GRM8: variants seen among roughly 807,000 people sequenced by gnomAD.
GRM8 encodes the protein metabotropic glutamate receptor 8.
Under a neutral mutation model 87.2 loss-of-function variants are expected in GRM8, and 47 were observed. That is an observed-to-expected ratio of 0.54 (90% CI 0.43 to 0.69). The LOEUF (loss-of-function observed/expected upper bound fraction) is 0.69, where lower values mean the gene tolerates loss of function less well. GRM8 is among the 30% of genes least tolerant of loss of function. GRM8 has a pLI of 0.00. For missense variants in GRM8, 1,019 were observed against 1,139.2 expected, an observed-to-expected ratio of 0.89 and a Z score of 1.52; for synonymous variants, 396 against 404.5, an observed-to-expected ratio of 0.98 and a Z score of 0.25.
chr7:126,722,886 G>A (rs1262395370), intron 7 of GRM8, among the ~76,000 whole-genome samples: 1 of 77,716 alleles, frequency 1.3e-5, no homozygotes, highest in East Asian at 3.6e-4. Context: ...CTGAGAGCCT[G>A]TGAAAAAAAA....
intron 9 of GRM8, among the ~76,000 whole-genome samples, chr7:126,473,712 T>C (rs1005912713): frequency 1.3e-5 from 2 of 152,142 alleles, no homozygotes; most frequent in Non-Finnish European, 2.9e-5. Context: ...ACCCAAATCT[T>C]ATCTTGAATT....
chr7:126,528,419 G>C (rs1448373811), intron 9 of GRM8, among the ~76,000 whole-genome samples: 1 of 152,122 alleles, frequency 6.6e-6, no homozygotes, highest in African/African-American at 2.4e-5. Context: ...GCTGAGTGCT[G>C]AAGAGAAAAT....
chr7:126,539,414 T>A (rs564688514), intron 8 of GRM8, among the ~76,000 whole-genome samples: 1 of 152,172 alleles, frequency 6.6e-6, no homozygotes, highest in Non-Finnish European at 1.5e-5. Context: ...AAATCTCAGC[T>A]GGCTCCTTCA....
chr7:126,520,918 G>A (rs1812894760), intron 9 of GRM8, among the ~76,000 whole-genome samples: 1 of 152,086 alleles, frequency 6.6e-6, no homozygotes, highest in Admixed American at 6.5e-5. Flanking sequence ...AATAGGCAGT[G>A]TAACCAAGTG....
intron 9 of GRM8, among the ~76,000 whole-genome samples, chr7:126,468,958 A>C (rs59633673): frequency 0.013 from 1,969 of 152,228 alleles, 41 homozygotes; most frequent in African/African-American, 0.045. Flanking sequence ...TTATCTCACA[A>C]AGAAAATAGA....
Position 126,820,829 on chromosome 7 carries a change from G to A in GRM8, c.1157-50764C>T, listed in dbSNP as rs916023536. On this transcript the variant is annotated intron_variant, in intron 6 of 10. Coordinates refer to ENST00000339582, the MANE Select transcript of GRM8 (RefSeq NM_000845.3). Reference sequence around the variant, plus strand: ...GAAATTAAAGACCATCCTAGGGCACGGTGGCTCATGCCTGTAATCATAGAA... The same window carrying A: ...GAAATTAAAGACCATCCTAGGGCACAGTGGCTCATGCCTGTAATCATAGAA... Among the ~76,000 whole-genome samples the A allele has an allele frequency of 6.6e-5, 10 of 152,178 alleles. 1 individual carries two copies. The highest frequency in any genetic ancestry group is 4.8e-5 in the African/African-American group (2 of 41,432).
intron 6 of GRM8, among the ~76,000 whole-genome samples, chr7:126,879,698 A>C (rs1451731940): frequency 6.6e-6 from 1 of 152,318 alleles, no homozygotes; most frequent in Middle Eastern, 3.4e-3. Flanking sequence ...ACAGAAGAAA[A>C]AGTTATACTG....
intron 8 of GRM8, among the ~76,000 whole-genome samples, chr7:126,608,749 G>A (rs956304913): frequency 4.0e-5 from 6 of 150,852 alleles, no homozygotes; most frequent in African/African-American, 1.5e-4. Flanking sequence ...TGTGGCAAAA[G>A]TGATGTGCCC....
intron 7 of GRM8, among the ~76,000 whole-genome samples, chr7:126,727,704 TACACACACAC>T (rs3038844): frequency 5.4e-4 from 76 of 141,874 alleles, no homozygotes; most frequent in African/African-American, 1.9e-3. Context: ...TCTGAAATCA[TACACACACAC>T]ACACACACAC....
intron 3 of GRM8, among the ~76,000 whole-genome samples, chr7:126,913,407 C>T (rs955574321): frequency 2.0e-5 from 3 of 152,138 alleles, no homozygotes; most frequent in African/African-American, 7.2e-5. Flanking sequence ...AATGACTAGA[C>T]TATTGGTTAA....
chr7:126,955,935 T>G (rs1050447104), intron 3 of GRM8, among the ~76,000 whole-genome samples: 3 of 152,174 alleles, frequency 2.0e-5, no homozygotes, highest in Admixed American at 6.5e-5. Flanking sequence ...CTAGAGATGA[T>G]ATTCCCATTT....
chr7:126,477,458 C>T (rs556195827), intron 9 of GRM8, among the ~76,000 whole-genome samples: 1 of 151,970 alleles, frequency 6.6e-6, no homozygotes, highest in African/African-American at 2.4e-5. Flanking sequence ...ATTATTTCCA[C>T]AGTGTATACA....
intron 3 of GRM8, among the ~76,000 whole-genome samples, chr7:127,079,191 G>A (rs999271597): frequency 3.3e-5 from 5 of 151,752 alleles, no homozygotes; most frequent in Admixed American, 2.6e-4. Flanking sequence ...TATGATCTCC[G>A]CTTACTGCAA....
At chr7:126,589,323 G>A (rs541217663) in intron 8 of GRM8, among the ~76,000 whole-genome samples, 2 of 152,098 alleles carry the variant, frequency 1.3e-5, no homozygotes, top group African/African-American at 4.8e-5. Flanking sequence ...TGGATTGCAT[G>A]GGAGCCGGGT....
chr7:127,026,939 G>T (rs893234646), intron 3 of GRM8, among the ~76,000 whole-genome samples: 8 of 152,102 alleles, frequency 5.3e-5, no homozygotes, highest in Admixed American at 1.3e-4. Context: ...TATTGTCTAG[G>T]TTTTCTTCTA....
intron 6 of GRM8, among the ~76,000 whole-genome samples, chr7:126,820,445 T>C (rs538846178): frequency 3.9e-5 from 6 of 152,360 alleles, no homozygotes; most frequent in African/African-American, 1.4e-4. Flanking sequence ...CTCATTTCCA[T>C]TGGTTAGATT....
chr7:127,009,168 T>G (rs929820777), intron 3 of GRM8, among the ~76,000 whole-genome samples: 2 of 152,156 alleles, frequency 1.3e-5, no homozygotes, highest in African/African-American at 4.8e-5. Context: ...CTTTACTTGT[T>G]AAGAAATCAA....
At chr7:126,888,790 T>C (rs189981729) in intron 6 of GRM8, among the ~76,000 whole-genome samples, 59 of 152,240 alleles carry the variant, frequency 3.9e-4, no homozygotes, top group African/African-American at 1.1e-3. Flanking sequence ...GAAAGCTTTG[T>C]TGTGCATGAA....
At chr7:126,976,466 C>A (rs1231885125) in intron 3 of GRM8, among the ~76,000 whole-genome samples, 1 of 152,044 alleles carries the variant, frequency 6.6e-6, no homozygotes, top group South Asian at 2.1e-4. Flanking sequence ...TGGTGGTGGG[C>A]ATCTGTGGTC....
Sources: allele counts gnomAD v4.1 joint callset (sites outside exome capture counted in the v4.1 genomes callset), GRCh38; gene constraint gnomAD v4.1.1; transcripts MANE v1.5; gene names NCBI Gene and HGNC (gene_info 2026-07-23, HGNC 2026-07-21).